SMAP1: variants seen among roughly 807,000 people sequenced by gnomAD.
The protein encoded by SMAP1 is stromal membrane-associated protein 1.
SMAP1 carries 24 observed loss-of-function variants against 58.5 expected under a neutral mutation model. That is an observed-to-expected ratio of 0.41 (90% CI 0.30 to 0.58). The LOEUF (loss-of-function observed/expected upper bound fraction) is 0.58. SMAP1 is among the 20% of genes least tolerant of loss of function. SMAP1 has a pLI of 0.29. For missense variants in SMAP1, 563 were observed against 566.3 expected (o/e 0.99, Z 0.06); for synonymous variants, 216 against 196.6 (o/e 1.10, Z -0.82).
intron 1 of SMAP1, among the ~76,000 whole-genome samples, chr6:70,721,051 TCTTGCTACTTATGCAAATTAGGCTC>T (rs1275564272): frequency 6.6e-6 from 1 of 152,190 alleles, no homozygotes; most frequent in South Asian, 2.1e-4. Flanking sequence ...TTTGTAGGCT[TCTTGCTACTTATGCAAATTAGGCTC>T]CTTGCTACTT....
chr6:70,760,538 T>A (rs1217243175), intron 3 of SMAP1, among the ~76,000 whole-genome samples: 1 of 152,114 alleles, frequency 6.6e-6, no homozygotes, highest in African/African-American at 2.4e-5. Flanking sequence ...CTTTTTATTC[T>A]TTTAATTATG....
At chr6:70,718,856 A>T (rs1301440153) in intron 1 of SMAP1, among the ~76,000 whole-genome samples, 1 of 150,806 alleles carries the variant, frequency 6.6e-6, no homozygotes, top group East Asian at 1.9e-4. Context: ...TTGCTTGGAG[A>T]AGGGATGAAG....
intron 1 of SMAP1, among the ~76,000 whole-genome samples, chr6:70,682,123 A>G (rs1303872802): frequency 1.3e-5 from 2 of 151,320 alleles, no homozygotes; most frequent in Non-Finnish European, 2.9e-5. Context: ...TGCTGAAAAT[A>G]AGGATAGTGG....
Position 70,754,451 on chromosome 6 carries a change from C to T in SMAP1, c.253-529C>T, listed in dbSNP as rs576926373. 4.6e-5 allele frequency among the ~76,000 whole-genome samples: 7 copies of T among 152,044 alleles called. No homozygotes were observed. In the South Asian group the frequency reaches 1.5e-3, roughly 32 times the overall value. ...TTTATTAGGGTTTTGTAGGGAAACT[C>T]CTCAAAGGGATTATTATTAATAACT... is the stretch of plus-strand genomic sequence containing the variant. On this transcript the variant is annotated intron_variant, in intron 2 of 10. Coordinates refer to ENST00000370455, the MANE Select transcript of SMAP1 (RefSeq NM_001044305.3).
At chr6:70,788,063 A>G (rs935579718) in intron 4 of SMAP1, among the ~76,000 whole-genome samples, 1 of 152,076 alleles carries the variant, frequency 6.6e-6, no homozygotes, top group South Asian at 2.1e-4. Context: ...ATGTCCAACA[A>G]TGATAGACTG....
chr6:70,740,000 A>G (rs941225161), intron 2 of SMAP1, among the ~76,000 whole-genome samples: 2 of 151,824 alleles, frequency 1.3e-5, no homozygotes, highest in African/African-American at 4.8e-5. Context: ...TTTTCATCAC[A>G]TACATGTCTT....
At chr6:70,816,626 T>G (rs911454591) in intron 6 of SMAP1, among the ~76,000 whole-genome samples, 1 of 152,194 alleles carries the variant, frequency 6.6e-6, no homozygotes, top group Non-Finnish European at 1.5e-5. Flanking sequence ...TATTGAGCAG[T>G]CACTGTATGT....
chr6:70,751,896 C>T (rs1393444791), intron 2 of SMAP1, among the ~76,000 whole-genome samples: 2 of 152,080 alleles, frequency 1.3e-5, no homozygotes, highest in Non-Finnish European at 2.9e-5. Flanking sequence ...CACTTATCCC[C>T]TCCACACCCC....
chr6:70,754,960 A>G lies in SMAP1; in HGVS notation c.253-20A>G. 1 of 1,570,490 alleles carries G rather than the reference A, an allele frequency of 6.4e-7. No homozygotes were observed. The highest frequency in any genetic ancestry group is 8.7e-7 in the Non-Finnish European group (1 of 1,149,806). ...TTTTTAATGTTTATGTGAGTAATTA[A>G]AAAATTTTTTTTATTATAGTGCATG... On this transcript the variant is annotated intron_variant, in intron 2 of 10. Coordinates refer to ENST00000370455, the MANE Select transcript of SMAP1 (RefSeq NM_001044305.3).
chr6:70,770,746 A>G (rs1767253041), intron 3 of SMAP1, among the ~76,000 whole-genome samples: 1 of 152,024 alleles, frequency 6.6e-6, no homozygotes, highest in Admixed American at 6.6e-5. Context: ...TTTTCTCTCA[A>G]CTTGTCAAAG....
chr6:70,789,724 C>CAAAA (rs35376781), intron 4 of SMAP1, among the ~76,000 whole-genome samples: 8 of 73,682 alleles, frequency 1.1e-4, no homozygotes, highest in African/African-American at 1.6e-4. Context: ...GACTCTGTCT[C>CAAAA]AAAAAAAAAA....
At chr6:70,675,165 T>C (rs1328445489) in intron 1 of SMAP1, among the ~76,000 whole-genome samples, 3 of 142,992 alleles carry the variant, frequency 2.1e-5, no homozygotes, top group Non-Finnish European at 4.6e-5. Context: ...AAGCAAATAA[T>C]AACATTACAT....
chr6:70,708,057 A>G (rs542281715), intron 1 of SMAP1, among the ~76,000 whole-genome samples: 1 of 152,222 alleles, frequency 6.6e-6, no homozygotes, highest in South Asian at 2.1e-4. Context: ...GCTGAACATT[A>G]TATCTCTAGA....
chr6:70,721,966 G>A (rs1451182477), intron 1 of SMAP1, among the ~76,000 whole-genome samples: 1 of 152,140 alleles, frequency 6.6e-6, no homozygotes, highest in Non-Finnish European at 1.5e-5. Flanking sequence ...ATTTGGATGA[G>A]GACTCAGCCA....
intron 6 of SMAP1, among the ~76,000 whole-genome samples, chr6:70,811,050 C>G (rs139263106): frequency 6.6e-6 from 1 of 152,114 alleles, no homozygotes; most frequent in Non-Finnish European, 1.5e-5. Flanking sequence ...GTTGCTGAGT[C>G]AAAGGATAAT....
At chr6:70,671,534 C>T (rs928278975) in intron 1 of SMAP1, among the ~76,000 whole-genome samples, 2 of 152,082 alleles carry the variant, frequency 1.3e-5, no homozygotes, top group South Asian at 2.1e-4. Context: ...GCCGAGATCG[C>T]GCCACTGTAC....
chr6:70,799,675 C>T (rs1768764073), intron 6 of SMAP1, among the ~76,000 whole-genome samples: 1 of 152,046 alleles, frequency 6.6e-6, no homozygotes, highest in Admixed American at 6.6e-5. Context: ...GAAAGAAGAT[C>T]CATTCTGCTG....
intron 6 of SMAP1, among the ~76,000 whole-genome samples, chr6:70,834,602 A>G (rs896762598): frequency 6.6e-6 from 1 of 152,212 alleles, no homozygotes; most frequent in African/African-American, 2.4e-5. Flanking sequence ...GACACTCTTC[A>G]GAGTATTATA....
intron 3 of SMAP1, among the ~76,000 whole-genome samples, chr6:70,758,137 T>C (rs1253353245): frequency 2.0e-5 from 3 of 150,166 alleles, no homozygotes; most frequent in Non-Finnish European, 4.5e-5. Flanking sequence ...CCAACAATGA[T>C]AGACTGGATT....
Sources: gnomAD v4.1 joint callset for allele counts (sites outside exome capture counted in the v4.1 genomes callset) on GRCh38, gnomAD v4.1.1 for gene constraint, MANE v1.5 for transcripts, NCBI Gene and HGNC (gene_info 2026-07-23, HGNC 2026-07-21) for gene names.